Variants in POF1B observed in about 807,000 individuals in gnomAD.
POF1B encodes the protein POF1B actin binding protein.
A neutral mutation model predicts 55.3 loss-of-function variants in POF1B; 53 were observed. The ratio of observed to expected loss-of-function variants is 0.96; its 90% confidence interval spans 0.77 to 1.20. The LOEUF (loss-of-function observed/expected upper bound fraction) is 1.20, where lower values mean the gene tolerates loss of function less well. Ranked by LOEUF, POF1B falls within the 50% of genes most tolerant of loss-of-function variation. The probability of loss-of-function intolerance (pLI) is 0.00; values close to 1 mark genes in which losing one functional copy is unlikely to be tolerated. For missense variants in POF1B, 478 were observed against 420.5 expected (o/e 1.14, Z -1.20); for synonymous variants, 188 against 148.3 (o/e 1.27, Z -1.95).
chrX:85,316,538 T>C (rs185294823), intron 7 of POF1B, among the ~76,000 whole-genome samples: 1 of 111,096 alleles, frequency 9.0e-6, no homozygotes, highest in African/African-American at 3.3e-5. Flanking sequence ...GCCAACTTGT[T>C]CCCGCTCCAC....
intron 7 of POF1B, among the ~76,000 whole-genome samples, chrX:85,324,957 T>C (rs1932881474): frequency 8.9e-6 from 1 of 111,791 alleles, no homozygotes. Context: ...TAAAGCTTAG[T>C]TTGGCCAGAT....
At chrX:85,303,860 T>C (rs1805528368) in intron 14 of POF1B, among the ~76,000 whole-genome samples, 1 of 111,282 alleles carries the variant, frequency 9.0e-6, no homozygotes, top group Non-Finnish European at 1.9e-5. Flanking sequence ...TAAGCAGATA[T>C]AGTTTCTTAA....
chrX:85,302,597 A>C (rs1932483229), intron 15 of POF1B, among the ~76,000 whole-genome samples: 1 of 111,695 alleles, frequency 9.0e-6, no homozygotes, highest in African/African-American at 3.3e-5. Context: ...AAAAGAAATG[A>C]ATACATGTAC....
chrX:85,353,515 T>A (rs773179142), intron 4 of POF1B, among the ~76,000 whole-genome samples: 1 of 111,138 alleles, frequency 9.0e-6, no homozygotes, highest in East Asian at 2.9e-4. Flanking sequence ...TTTTACGTGC[T>A]CCTAATAACA....
At chrX:85,374,997 C>T (rs1216847833) in intron 2 of POF1B, among the ~76,000 whole-genome samples, 1 of 111,872 alleles carries the variant, frequency 8.9e-6, no homozygotes. Context: ...AATAGAACTA[C>T]TTCCTGTTCC....
chrX:85,375,066 T>C (rs1569301140), intron 2 of POF1B, among the ~76,000 whole-genome samples: 1 of 111,358 alleles, frequency 9.0e-6, no homozygotes, highest in Non-Finnish European at 1.9e-5. Context: ...CTTTCTCTTC[T>C]TTTTCTGAAG....
intron 6 of POF1B, among the ~76,000 whole-genome samples, chrX:85,344,915 C>A (rs949607040): frequency 2.7e-5 from 3 of 111,589 alleles, no homozygotes; most frequent in African/African-American, 9.7e-5. Flanking sequence ...CCGAACCTGG[C>A]TCTAGGCTTT....
intron 6 of POF1B, among the ~76,000 whole-genome samples, chrX:85,334,311 A>G (rs765035432): frequency 6.3e-4 from 70 of 110,597 alleles, no homozygotes; most frequent in Non-Finnish European, 9.7e-4. Flanking sequence ...CCTCATATAT[A>G]CTCATCTGCC....
In POF1B at chrX:85,345,072, CCTT is replaced by C. The variant is rs1355190551; in HGVS notation, c.723+785_723+787del. ...AATCAAATTCTTATGTGGGCTGGCT[CCTT>C]CTTTATTTTTTTCTTGTTTTCTTTT... On this transcript the variant is annotated intron_variant, in intron 6 of 16. Transcript: ENST00000262753. 4.5e-5 allele frequency among the ~76,000 whole-genome samples: 5 copies of C among 111,415 alleles called. No homozygotes were observed. The South Asian group carries it at 1.1e-3, about 25-fold the overall frequency.
At chrX:85,348,370 T>C (rs16980214) in intron 5 of POF1B, among the ~76,000 whole-genome samples, 4,858 of 111,464 alleles carry the variant, frequency 0.044, 172 homozygotes, top group African/African-American at 0.11. Context: ...TTTTCCTTTT[T>C]GATAGAGTAA....
chrX:85,343,678 T>G (rs1933218377), intron 6 of POF1B, among the ~76,000 whole-genome samples: 1 of 111,438 alleles, frequency 9.0e-6, no homozygotes, highest in Non-Finnish European at 1.9e-5. Context: ...TTTGTATTAC[T>G]AAGAACACAT....
At chrX:85,292,484 C>T (rs1371610380) in intron 15 of POF1B, among the ~76,000 whole-genome samples, 1 of 111,683 alleles carries the variant, frequency 9.0e-6, no homozygotes, top group Non-Finnish European at 1.9e-5. Context: ...CTTCCTCTAT[C>T]TTGTGGAATA....
At chrX:85,374,978 C>T (rs1299341261) in intron 2 of POF1B, among the ~76,000 whole-genome samples, 4 of 111,509 alleles carry the variant, frequency 3.6e-5, no homozygotes, top group Non-Finnish European at 5.7e-5. Context: ...AGAAAGCAAC[C>T]GAATGTATAA....
intron 15 of POF1B, among the ~76,000 whole-genome samples, chrX:85,290,189 C>A (rs1932150402): frequency 9.0e-6 from 1 of 111,192 alleles, no homozygotes; most frequent in Non-Finnish European, 1.9e-5. Context: ...TTAGCTCCCA[C>A]ATTTAAGTGA....
chrX:85,346,112 A>G (rs1040159320), intron 5 of POF1B, 70 bp from the exon 6 acceptor site: 1 of 790,523 alleles, frequency 1.3e-6, no homozygotes, highest in Non-Finnish European at 1.7e-6. Context: ...AACAACTGAA[A>G]CCATTTTTTT....
intron 4 of POF1B, among the ~76,000 whole-genome samples, chrX:85,359,160 G>A (rs1933558601): frequency 9.0e-6 from 1 of 111,273 alleles, no homozygotes; most frequent in Non-Finnish European, 1.9e-5. Context: ...CCATGGCAAA[G>A]GTAAATAGCC....
intron 15 of POF1B, among the ~76,000 whole-genome samples, chrX:85,291,137 C>A (rs1428990512): frequency 8.9e-6 from 1 of 111,806 alleles, no homozygotes; most frequent in African/African-American, 3.3e-5. Flanking sequence ...GGTCCAATTT[C>A]AATCTTCTAC....
Position 85,359,589 on chromosome X carries a change from C to T in POF1B, c.399G>A (p.Gln133=). 1 of 1,202,780 alleles carries T rather than the reference C, an allele frequency of 8.3e-7. No homozygotes were observed. Among genetic ancestry groups the T allele is most frequent in the Non-Finnish European group, 1.1e-6 (1 of 890,654 alleles). Residue 133 remains glutamine, a synonymous_variant, in exon 4 of 17, where the codon CAG becomes CAA. Coordinates refer to ENST00000262753, the MANE Select transcript of POF1B (RefSeq NM_024921.4). ...SPTVKLTTYP[Q]TTIRKYVVQN... is the part of the protein sequence containing the mutation. ...GTACTACATATTTCCTAATAGTGGT[C>T]TGTGGATATGTAGTAAGTTTCACTG...
At chrX:85,308,044 A>C in intron 10 of POF1B, 80 bp downstream of exon 10, 1 of 564,687 alleles carries the variant, frequency 1.8e-6, no homozygotes, top group East Asian at 3.8e-5. Context: ...AATTTTAAAA[A>C]CATATACTGG....
Sources: allele counts gnomAD v4.1 joint callset (sites outside exome capture counted in the v4.1 genomes callset), GRCh38; gene constraint gnomAD v4.1.1; transcripts MANE v1.5; gene names NCBI Gene and HGNC (gene_info 2026-07-23, HGNC 2026-07-21).